TBC1D25: variants seen among roughly 807,000 people sequenced by gnomAD.
The protein encoded by TBC1D25 is TBC1 domain family member 25, also known as 5SN3 snoRNA.
Under a neutral mutation model 38.8 loss-of-function variants are expected in TBC1D25, and 13 were observed. The ratio of observed to expected loss-of-function variants is 0.34; its 90% CI spans 0.22 to 0.53. TBC1D25 has a LOEUF of 0.53. TBC1D25 is among the 20% of genes least tolerant of loss of function. The pLI, the probability that TBC1D25 is intolerant of heterozygous loss-of-function variation, is 0.94. For missense variants in TBC1D25, 372 were observed against 600.0 expected (o/e 0.62, Z 3.97); for synonymous variants, 225 against 255.6 (o/e 0.88, Z 1.14).
rs782536176 is a variant in TBC1D25 at position 48,554,125 on chromosome X, G to A, written c.389-4772G>A. On this transcript the variant is annotated intron_variant, in intron 3 of 5. Transcript: ENST00000376771. ...GAACCCGGGAGGCGGAGGTTGCAGT[G>A]AGCCAAGATCACGCCACTGCGCTCC... Among the ~76,000 whole-genome samples, 43 of 109,100 alleles carry A rather than the reference G, an allele frequency of 3.9e-4. 1 individual carries two copies. In the East Asian group the frequency reaches 0.013, roughly 32 times the overall value. 94.7% of individuals were successfully genotyped at this position (109,100 alleles called of 115,157 possible).
chrX:48,549,556 C>T (rs1218642965), intron 3 of TBC1D25, among the ~76,000 whole-genome samples: 3 of 112,826 alleles, frequency 2.7e-5, no homozygotes, highest in East Asian at 2.8e-4. Flanking sequence ...GGCTGGAGTG[C>T]GATGGCGCGA....
In TBC1D25 at chrX:48,545,198, C is replaced by G. The variant is rs782470192; in HGVS notation, c.388+175C>G. Among the ~76,000 whole-genome samples, 13 of 112,015 alleles carry G rather than the reference C, an allele frequency of 1.2e-4. 1 individual carries two copies. The South Asian group carries it at 4.4e-3, about 38-fold the overall frequency. Reference sequence around the variant, plus strand: ...TTCACTTGTAAAGAGATAATTGTATCTTAGAACCATTGTGAGGCCTTGTAT... The same window carrying G: ...TTCACTTGTAAAGAGATAATTGTATGTTAGAACCATTGTGAGGCCTTGTAT... On this transcript the variant is annotated intron_variant, in intron 3 of 5. Transcript: ENST00000376771.
chrX:48,555,212 A>G (rs782549888), intron 3 of TBC1D25, among the ~76,000 whole-genome samples: 2 of 111,363 alleles, frequency 1.8e-5, no homozygotes, highest in African/African-American at 3.3e-5. Flanking sequence ...GATGAGGAGT[A>G]GAGGAGGAGG....
chrX:48,552,336 A>G (rs1452003655), intron 3 of TBC1D25, among the ~76,000 whole-genome samples: 1 of 100,245 alleles, frequency 1.0e-5, no homozygotes, highest in Non-Finnish European at 2.0e-5. Context: ...ACAGGCACAC[A>G]CCATCATGCC....
chrX:48,553,616 C>CTTT lies in TBC1D25; in HGVS notation c.389-5261_389-5259dup, dbSNP rs1209605714. On this transcript the variant is annotated intron_variant, in intron 3 of 5. Coordinates refer to ENST00000376771, the MANE Select transcript of TBC1D25 (RefSeq NM_002536.4). ...GGAAGCTGCAAGAGTTTTTCTTTTT[C>CTTT]TTTTTTTTTTTTTTTTTTTTTTGAG... Among the ~76,000 whole-genome samples the CTTT allele has an allele frequency of 1.0e-3, 53 of 53,246 alleles. 2 individuals are homozygous for CTTT. Among genetic ancestry groups the CTTT allele is most frequent in the East Asian group, 1.9e-3 (3 of 1,609 alleles). The allele number at this position is 53,246 out of a possible 115,157, so 46.2% of individuals were successfully genotyped here.
intron 3 of TBC1D25, among the ~76,000 whole-genome samples, chrX:48,550,136 G>A (rs973868063): frequency 2.7e-5 from 3 of 109,859 alleles, no homozygotes; most frequent in East Asian, 2.9e-4. Flanking sequence ...ACAGGTGCCC[G>A]CCACCATGCC....
chrX:48,542,594 T>A (rs1295497611), intron 2 of TBC1D25, among the ~76,000 whole-genome samples: 2 of 107,650 alleles, frequency 1.9e-5, no homozygotes, highest in South Asian at 4.2e-4. Context: ...TTCAAGTGAT[T>A]CTCATGCCTC....
intron 3 of TBC1D25, 84 bp downstream of exon 3, chrX:48,545,107 CATG>C: frequency 9.1e-7 from 1 of 1,103,576 alleles, no homozygotes; most frequent in Admixed American, 2.5e-5. Flanking sequence ...TACACTCCCT[CATG>C]GTGGGATGGG....
At chrX:48,558,109 T>TA in intron 3 of TBC1D25, among the ~76,000 whole-genome samples, 1 of 75,033 alleles carries the variant, frequency 1.3e-5, no homozygotes, top group African/African-American at 8.1e-5. Flanking sequence ...AGACTCCGTC[T>TA]CCAAAAAAAA....
intron 3 of TBC1D25, among the ~76,000 whole-genome samples, chrX:48,558,445 A>C (rs2061994014): frequency 8.9e-6 from 1 of 111,908 alleles, no homozygotes; most frequent in Non-Finnish European, 1.9e-5. Context: ...CAAGTACCTT[A>C]TCATGACTGT....
At chrX:48,559,109 T>C (rs782228999) in intron 4 of TBC1D25, 49 bp from the exon 5 acceptor site, 2 of 1,200,683 alleles carry the variant, frequency 1.7e-6, no homozygotes, top group Non-Finnish European at 2.2e-6. Flanking sequence ...CTGGTTGGCA[T>C]CTGCCCCTAG....
At chrX:48,543,572 C>T (rs1556980855) in intron 2 of TBC1D25, among the ~76,000 whole-genome samples, 3 of 105,546 alleles carry the variant, frequency 2.8e-5, no homozygotes, top group Non-Finnish European at 5.8e-5. Flanking sequence ...CCAAAATGCT[C>T]TCCAGACAGG....
rs368839063 is a variant in TBC1D25, at chrX:48,539,875, G to A, written c.78G>A (p.Ala26=). ...PPPGVGAQAA[A]AAEEEEREVV... The stretch of plus-strand genomic sequence containing the variant: ...CCGGTGTGGGAGCTCAGGCGGCGGC[G>A]GCCGCTGAGGAGGAGGAGCGAGAGG... Residue 26 remains alanine (A), a synonymous_variant, in exon 1 of 6, where the codon GCG becomes GCA. Transcript: ENST00000376771. The A allele has an allele frequency of 5.7e-5, 55 of 962,573 alleles. No homozygotes were observed. Among genetic ancestry groups the A allele is most frequent in the Non-Finnish European group, 6.5e-5 (50 of 766,244 alleles). 79.3% of individuals were successfully genotyped at this position (962,573 alleles called of 1,213,427 possible).
At chrX:48,540,668 T>C (rs1460864828) in intron 1 of TBC1D25, among the ~76,000 whole-genome samples, 1 of 111,601 alleles carries the variant, frequency 9.0e-6, no homozygotes, top group Non-Finnish European at 1.9e-5. Flanking sequence ...CTTTGGTGTG[T>C]ATGCTGAGGA....
intron 1 of TBC1D25, among the ~76,000 whole-genome samples, chrX:48,540,293 T>C (rs1042952599): frequency 4.5e-5 from 5 of 111,668 alleles, no homozygotes; most frequent in African/African-American, 1.6e-4. Context: ...AGTGCACTTA[T>C]GTGCAAGTTC....
intron 4 of TBC1D25, 33 bp downstream of exon 4, chrX:48,559,057 G>A (rs1556985142): frequency 7.5e-6 from 9 of 1,206,647 alleles, no homozygotes; most frequent in South Asian, 5.3e-5. Flanking sequence ...CCCAGCTGTG[G>A]TTGGAGGGCA....
At chrX:48,559,436 C>A in intron 5 of TBC1D25, 90 bp downstream of exon 5, 1 of 1,105,361 alleles carries the variant, frequency 9.0e-7, no homozygotes. Flanking sequence ...CTGCTGTGGG[C>A]AAGGGTGGAG....
At chrX:48,550,341 G>A (rs782496150) in intron 3 of TBC1D25, among the ~76,000 whole-genome samples, 2 of 111,884 alleles carry the variant, frequency 1.8e-5, no homozygotes, top group African/African-American at 3.2e-5. Flanking sequence ...GAAATGCCAC[G>A]TTTGTCACAT....
At chrX:48,545,510 A>T (rs1556981398) in intron 3 of TBC1D25, among the ~76,000 whole-genome samples, 2 of 111,739 alleles carry the variant, frequency 1.8e-5, no homozygotes, top group Non-Finnish European at 3.8e-5. Context: ...CTGCACCCAT[A>T]TTCATTTGTT....
Sources: gnomAD v4.1 joint callset for allele counts (sites outside exome capture counted in the v4.1 genomes callset) on GRCh38, gnomAD v4.1.1 for gene constraint, MANE v1.5 for transcripts, NCBI Gene and HGNC (gene_info 2026-07-23, HGNC 2026-07-21) for gene names.